The following CNTN4 variants were observed in gnomAD, a reference collection of about 807,000 sequenced individuals.
CNTN4 encodes contactin 4.
In CNTN4, 77 loss-of-function variants were observed where a neutral mutation model predicts 122.5. That is an observed-to-expected ratio of 0.63 (90% confidence interval 0.52 to 0.76). The LOEUF (loss-of-function observed/expected upper bound fraction) is 0.76. CNTN4 is among the 30% of genes least tolerant of loss of function. The pLI, the probability that CNTN4 is intolerant of heterozygous loss-of-function variation, is 0.00. For missense variants in CNTN4, 1,256 were observed against 1,259.1 expected (o/e 1.00, Z 0.04); for synonymous variants, 512 against 447.0 (o/e 1.15, Z -1.83).
intron 3 of CNTN4, among the ~76,000 whole-genome samples, chr3:2,482,495 A>C (rs2076033453): frequency 6.6e-6 from 1 of 152,148 alleles, no homozygotes; most frequent in Admixed American, 6.5e-5. Context: ...ATAAGTAATA[A>C]GGAGCTGAAT....
At chr3:2,722,513 A>G (rs1392042090) in intron 4 of CNTN4, among the ~76,000 whole-genome samples, 1 of 152,202 alleles carries the variant, frequency 6.6e-6, no homozygotes, top group African/African-American at 2.4e-5. Flanking sequence ...TTTGAGGATC[A>G]TTTGATAGCG....
chr3:2,863,444 C>CTTCTT (rs1381432282), intron 7 of CNTN4, among the ~76,000 whole-genome samples: 11 of 92,364 alleles, frequency 1.2e-4, no homozygotes, highest in African/African-American at 4.8e-4. Context: ...ATGGTTTCTT[C>CTTCTT]TTTTTTTTTT....
At chr3:2,109,394 A>G (rs555631157) in intron 2 of CNTN4, among the ~76,000 whole-genome samples, 1 of 152,286 alleles carries the variant, frequency 6.6e-6, no homozygotes, top group South Asian at 2.1e-4. Flanking sequence ...AGTTAAAAAA[A>G]TCATATGATT....
At chr3:2,280,257 G>GT (rs1455533290) in intron 2 of CNTN4, among the ~76,000 whole-genome samples, 1 of 152,158 alleles carries the variant, frequency 6.6e-6, no homozygotes, top group African/African-American at 2.4e-5. Context: ...ACTGCACCCA[G>GT]TATCAACAGG....
intron 2 of CNTN4, among the ~76,000 whole-genome samples, chr3:2,273,731 T>G (rs2044603): frequency 0.52 from 78,315 of 151,996 alleles, 21,066 homozygotes; most frequent in South Asian, 0.65. Flanking sequence ...TAATATATGT[T>G]GAACCAAAAA....
intron 4 of CNTN4, among the ~76,000 whole-genome samples, chr3:2,597,076 T>G (rs556851997): frequency 2.6e-4 from 40 of 152,128 alleles, no homozygotes; most frequent in African/African-American, 9.2e-4. Flanking sequence ...TGGGAAGGGG[T>G]TGTAAGACCA....
chr3:2,573,919 T>G (rs1305165787), intron 4 of CNTN4, among the ~76,000 whole-genome samples: 1 of 152,154 alleles, frequency 6.6e-6, no homozygotes, highest in Non-Finnish European at 1.5e-5. Context: ...GAATTTTGAT[T>G]TTTTAAACTG....
At chr3:2,918,831 T>C (rs1484388240) in intron 12 of CNTN4, among the ~76,000 whole-genome samples, 1 of 152,140 alleles carries the variant, frequency 6.6e-6, no homozygotes, top group African/African-American at 2.4e-5. Flanking sequence ...GGACTGGAAG[T>C]TCACGAAGCC....
Position 2,629,889 on chromosome 3 carries a change from G to A in CNTN4, c.55+58331G>A, listed in dbSNP as rs547447983. Among the ~76,000 whole-genome samples the A allele has an allele frequency of 5.3e-5, 8 of 152,190 alleles. No homozygotes were observed. In the South Asian group the frequency reaches 1.0e-3, roughly 20 times the overall value. Reference sequence around the variant, plus strand: ...ACATTTCCCGCCAGCCCAACCTGCCGCAGAAACTCAATTTGAGGGTTTTCT... The same window carrying A: ...ACATTTCCCGCCAGCCCAACCTGCCACAGAAACTCAATTTGAGGGTTTTCT... On this transcript the variant is annotated intron_variant, in intron 4 of 24. Coordinates refer to ENST00000418658, the MANE Select transcript of CNTN4 (RefSeq NM_175607.3).
intron 4 of CNTN4, among the ~76,000 whole-genome samples, chr3:2,727,069 G>A (rs1043735806): frequency 6.6e-6 from 1 of 152,164 alleles, no homozygotes; most frequent in Non-Finnish European, 1.5e-5. Flanking sequence ...CATGAGGGCA[G>A]GACAATGTCT....
Position 2,715,520 on chromosome 3 carries a change from T to G in CNTN4, c.56-20695T>G, listed in dbSNP as rs904673517. ...GGGGGATTTATCTTACAAAATTGTT[T>G]TAAGGATTAAGTGAGCTACTCTATG... On this transcript the variant is annotated intron_variant, in intron 4 of 24. Coordinates refer to ENST00000418658, the MANE Select transcript of CNTN4 (RefSeq NM_175607.3). Among the ~76,000 whole-genome samples the G allele has an allele frequency of 5.9e-5, 9 of 152,346 alleles. No individual in the cohort carries two copies. In the South Asian group the frequency reaches 1.9e-3, roughly 32 times the overall value.
At chr3:2,200,739 A>G (rs2038058650) in intron 2 of CNTN4, among the ~76,000 whole-genome samples, 1 of 152,188 alleles carries the variant, frequency 6.6e-6, no homozygotes, top group Non-Finnish European at 1.5e-5. Context: ...GGGTAAAGAT[A>G]ATTCATTCTT....
chr3:2,959,837 GA>G, intron 13 of CNTN4, among the ~76,000 whole-genome samples: 1 of 152,112 alleles, frequency 6.6e-6, no homozygotes, highest in Admixed American at 6.5e-5. Flanking sequence ...AAATTTATAA[GA>G]AAATGTTAAA....
chr3:2,574,478 A>C (rs1666943149), intron 4 of CNTN4, among the ~76,000 whole-genome samples: 1 of 152,158 alleles, frequency 6.6e-6, no homozygotes, highest in South Asian at 2.1e-4. Flanking sequence ...AGATCTGTTA[A>C]TTATTTGAGG....
At chr3:2,935,904 G>A (rs2094563626) in intron 13 of CNTN4, among the ~76,000 whole-genome samples, 1 of 152,196 alleles carries the variant, frequency 6.6e-6, no homozygotes, top group Non-Finnish European at 1.5e-5. Flanking sequence ...GATTCTTGGA[G>A]GGGATTGAGG....
At chr3:2,805,884 C>G (rs1178427487) in intron 6 of CNTN4, among the ~76,000 whole-genome samples, 1 of 152,040 alleles carries the variant, frequency 6.6e-6, no homozygotes, top group African/African-American at 2.4e-5. Flanking sequence ...TCTCATAACA[C>G]TTTTTGTTTT....
chr3:2,210,157 A>T (rs1056351948), intron 2 of CNTN4, among the ~76,000 whole-genome samples: 6 of 152,122 alleles, frequency 3.9e-5, no homozygotes, highest in Admixed American at 3.9e-4. Context: ...TGGTTGAGAG[A>T]ATTATGCTTG....
chr3:2,929,740 C>G (rs62232818), intron 13 of CNTN4, among the ~76,000 whole-genome samples: 2 of 152,112 alleles, frequency 1.3e-5, no homozygotes, highest in Admixed American at 6.5e-5. Flanking sequence ...TCCAATGTAT[C>G]GCAATGTCCA....
At chr3:2,157,155 G>A (rs1002028216) in intron 2 of CNTN4, among the ~76,000 whole-genome samples, 18 of 152,208 alleles carry the variant, frequency 1.2e-4, no homozygotes, top group African/African-American at 4.1e-4. Context: ...ATTTAAAAAT[G>A]GAAGAAGATA....
Sources: gnomAD v4.1 joint callset for allele counts (sites outside exome capture counted in the v4.1 genomes callset) on GRCh38, gnomAD v4.1.1 for gene constraint, MANE v1.5 for transcripts, NCBI Gene and HGNC (gene_info 2026-07-23, HGNC 2026-07-21) for gene names.